The following HOOK3 variants were observed in gnomAD, a reference collection of about 807,000 sequenced individuals.
The protein encoded by HOOK3 is hook microtubule tethering protein 3.
A neutral mutation model predicts 116.3 loss-of-function variants in HOOK3; 24 were observed. That is an observed-to-expected ratio of 0.21 (90% CI 0.15 to 0.29). HOOK3 has a LOEUF of 0.29. HOOK3 is among the 10% of genes least tolerant of loss of function. HOOK3 has a pLI of 1.00. For synonymous variants in HOOK3, 275 were observed against 283.0 expected, an observed-to-expected ratio of 0.97 and a Z score of 0.28; for missense variants, 632 against 830.2, an observed-to-expected ratio of 0.76 and a Z score of 2.93.
chr8:43,014,213 G>A (rs1475198947), intron 21 of HOOK3, among the ~76,000 whole-genome samples: 1 of 147,360 alleles, frequency 6.8e-6, no homozygotes, highest in Non-Finnish European at 1.5e-5. Context: ...TTGAACTTGG[G>A]AAGCAGAGGT....
intron 8 of HOOK3, among the ~76,000 whole-genome samples, chr8:42,959,718 G>GAAAAA (rs529721762): frequency 3.4e-5 from 1 of 29,038 alleles, no homozygotes; most frequent in Non-Finnish European, 6.4e-5. Flanking sequence ...GACTACATCT[G>GAAAAA]AAAAAAAAAA....
Position 43,009,390 on chromosome 8 carries a change from C to CA in HOOK3, c.1739-904dup, listed in dbSNP as rs915555326. ...CACTGTGCTCCAGTGAGACTGTCTC[C>CA]AAAAAAAAAAAGAAAGAAAGAAATA... is the stretch of plus-strand genomic sequence containing the variant. On this transcript the variant is annotated intron_variant, in intron 18 of 21. Transcript: ENST00000307602. Among the ~76,000 whole-genome samples the CA allele has an allele frequency of 4.0e-3, 484 of 122,334 alleles. 2 individuals carry two copies. Among genetic ancestry groups the CA allele is most frequent in the African/African-American group, 6.3e-3 (205 of 32,660 alleles). 80.3% of individuals were successfully genotyped at this position (122,334 alleles called of 152,430 possible).
chr8:42,933,917 T>C (rs1186466947), intron 4 of HOOK3, among the ~76,000 whole-genome samples: 1 of 152,222 alleles, frequency 6.6e-6, no homozygotes, highest in Admixed American at 6.5e-5. Flanking sequence ...ATGTTCATGC[T>C]GCTGTGCTTT....
intron 17 of HOOK3, among the ~76,000 whole-genome samples, chr8:43,005,789 C>T (rs966940155): frequency 2.4e-4 from 37 of 151,678 alleles, no homozygotes; most frequent in African/African-American, 7.0e-4. Context: ...CTCTGCCTCC[C>T]GGGTTCAAGC....
At chr8:42,919,242 C>A (rs1219519938) in intron 2 of HOOK3, among the ~76,000 whole-genome samples, 1 of 148,834 alleles carries the variant, frequency 6.7e-6, no homozygotes, top group Non-Finnish European at 1.5e-5. Flanking sequence ...GGCTTCCGGG[C>A]AGAGGGGCTC....
At chr8:42,902,289 T>A (rs1342152983) in intron 1 of HOOK3, among the ~76,000 whole-genome samples, 1 of 150,032 alleles carries the variant, frequency 6.7e-6, no homozygotes, top group Non-Finnish European at 1.5e-5. Flanking sequence ...TTTTTTTTTT[T>A]AAGACAGGGT....
chr8:42,935,027 A>G (rs1807939368), intron 4 of HOOK3, among the ~76,000 whole-genome samples: 1 of 152,120 alleles, frequency 6.6e-6, no homozygotes, highest in South Asian at 2.1e-4. Context: ...AAGCATTCCT[A>G]TTTCTCCATA....
chr8:42,916,149 C>T (rs963740984), intron 2 of HOOK3, among the ~76,000 whole-genome samples: 1 of 152,234 alleles, frequency 6.6e-6, no homozygotes, highest in African/African-American at 2.4e-5. Flanking sequence ...TGACATTGGT[C>T]AGTTTTTCAG....
In HOOK3 at chr8:43,025,030, A is replaced by C. The variant is rs1294695149; in HGVS notation, c.*6532A>C. The C allele has an allele frequency of 9.7e-6, 2 of 206,210 alleles. No homozygotes were observed. Among genetic ancestry groups the C allele is most frequent in the Non-Finnish European group, 2.0e-5 (2 of 101,098 alleles). The allele number at this position is 206,210 out of a possible 1,614,324, so 12.8% of individuals were successfully genotyped here. ...GACTATAGAAACTTATAAAACATTT[A>C]ATTCATGTTGACTTAAAACATGGGC... On this transcript the variant is annotated 3_prime_UTR_variant, in exon 22 of 22. Transcript: ENST00000307602.
chr8:42,939,703 G>A (rs533812285), intron 4 of HOOK3, among the ~76,000 whole-genome samples: 14 of 149,452 alleles, frequency 9.4e-5, no homozygotes, highest in South Asian at 2.1e-4. Context: ...GCTGCTGGGC[G>A]GAGGGGCTCC....
At chr8:42,927,445 A>G (rs1412894773) in intron 3 of HOOK3, among the ~76,000 whole-genome samples, 2 of 151,498 alleles carry the variant, frequency 1.3e-5, no homozygotes, top group Admixed American at 1.3e-4. Context: ...TTCAGTAGAG[A>G]TGGTTTCGTC....
At chr8:42,901,898 C>T (rs540322236) in intron 1 of HOOK3, among the ~76,000 whole-genome samples, 16 of 152,174 alleles carry the variant, frequency 1.1e-4, no homozygotes, top group South Asian at 4.1e-4. Flanking sequence ...TTAGTAGAGA[C>T]GGGGTTTCAC....
At chr8:42,903,338 C>CTTTTTTTTTTTTTTTTTTTTTTTTTTTTT (rs1164136399) in intron 1 of HOOK3, among the ~76,000 whole-genome samples, 1 of 87,606 alleles carries the variant, frequency 1.1e-5, no homozygotes, top group African/African-American at 4.7e-5. Flanking sequence ...TAATAGTTGT[C>CTTTTTTTTTTTTTTTTTTTTTTTTTTTTT]TTTTTTTTTT....
Position 43,027,772 on chromosome 8 carries a change from A to G in HOOK3, c.*9274A>G, listed in dbSNP as rs150226789. On this transcript the variant is annotated 3_prime_UTR_variant, in exon 22 of 22. Coordinates refer to ENST00000307602, the MANE Select transcript of HOOK3 (RefSeq NM_032410.4). ...CATGTGACAGTTAAAATTAAGTAAA[A>G]TTAAAACTATAGTTTCTCAGTGGCC... 226 of 207,578 alleles carry G rather than the reference A, an allele frequency of 1.1e-3. No individual in the cohort carries two copies. Among genetic ancestry groups the G allele is most frequent in the African/African-American group, 4.9e-3 (216 of 43,808 alleles). The allele number at this position is 207,578 out of a possible 1,614,324, so 12.9% of individuals were successfully genotyped here. A position where few individuals can be genotyped will look rare whatever the true frequency, so the allele number is the denominator to read the frequency against.
In HOOK3 at chr8:43,021,494, T is replaced by C. The variant is rs962714285; in HGVS notation, c.*2996T>C. On this transcript the variant is annotated 3_prime_UTR_variant, in exon 22 of 22. Coordinates refer to ENST00000307602, the MANE Select transcript of HOOK3 (RefSeq NM_032410.4). ...AATTTTTGTAATTTAGTAGAGATGG[T>C]GTTTCACCATGTTGGCCAGGCTGGT... The C allele has an allele frequency of 1.0e-4, 17 of 169,854 alleles. No individual in the cohort carries two copies. The East Asian group carries it at 1.9e-3, about 19-fold the overall frequency. The allele number at this position is 169,854 out of a possible 1,614,324, so 10.5% of individuals were successfully genotyped here. A position where few individuals can be genotyped will look rare whatever the true frequency, so the allele number is the denominator to read the frequency against.
chr8:43,010,135 A>G (rs534371142), intron 18 of HOOK3, among the ~76,000 whole-genome samples, 170 bp from the exon 19 acceptor site: 1 of 150,418 alleles, frequency 6.6e-6, no homozygotes, highest in African/African-American at 2.4e-5. Context: ...GAATTTTTTT[A>G]AAATAAAATT....
At chr8:42,938,670 A>G (rs530487384) in intron 4 of HOOK3, among the ~76,000 whole-genome samples, 4 of 152,084 alleles carry the variant, frequency 2.6e-5, no homozygotes, top group Non-Finnish European at 5.9e-5. Context: ...TTGGCTGGGT[A>G]TGAAATTCTG....
chr8:43,012,599 A>C (rs1412187873), intron 19 of HOOK3, among the ~76,000 whole-genome samples: 1 of 152,114 alleles, frequency 6.6e-6, no homozygotes, highest in Non-Finnish European at 1.5e-5. Flanking sequence ...TATTTCATAC[A>C]TTTACTTTTA....
At chr8:42,906,324 G>A in intron 2 of HOOK3, 66 bp downstream of exon 2, 1 of 1,187,158 alleles carries the variant, frequency 8.4e-7, no homozygotes, top group Non-Finnish European at 1.2e-6. Flanking sequence ...TTGAAAACAT[G>A]GATTAAAAAA....
Sources: allele counts gnomAD v4.1 joint callset (sites outside exome capture counted in the v4.1 genomes callset), GRCh38; gene constraint gnomAD v4.1.1; transcripts MANE v1.5; gene names NCBI Gene and HGNC (gene_info 2026-07-23, HGNC 2026-07-21).